The following TANGO6 variants were observed in gnomAD, a reference collection of about 807,000 sequenced individuals.
TANGO6 encodes the protein transport and Golgi organization protein 6 homolog.
A neutral mutation model predicts 114.2 loss-of-function variants in TANGO6; 90 were observed. The observed-to-expected ratio is 0.79, with a 90% CI of 0.66 to 0.94. The LOEUF (loss-of-function observed/expected upper bound fraction) is 0.94, where lower values mean the gene tolerates loss of function less well. TANGO6 is among the 40% of genes least tolerant of loss of function. The pLI is 0.00. For synonymous variants in TANGO6, 477 were observed against 509.8 expected, an observed-to-expected ratio of 0.94 and a Z score of 0.87; for missense variants, 1,274 against 1,315.3, an observed-to-expected ratio of 0.97 and a Z score of 0.49.
chr16:68,922,955 T>TTC (rs1288643512), intron 12 of TANGO6, among the ~76,000 whole-genome samples: 11 of 143,198 alleles, frequency 7.7e-5, no homozygotes, highest in Non-Finnish European at 1.5e-4. Flanking sequence ...TTTTTTTTTT[T>TTC]TTTTTTTTTT....
chr16:69,046,935 G>C (rs1021615904), intron 17 of TANGO6, among the ~76,000 whole-genome samples: 8 of 152,028 alleles, frequency 5.3e-5, no homozygotes, highest in African/African-American at 1.9e-4. Flanking sequence ...CCAGCACTTT[G>C]TTTGGGAGGC....
At chr16:69,025,229 G>A (rs370997654) in intron 16 of TANGO6, among the ~76,000 whole-genome samples, 6 of 152,202 alleles carry the variant, frequency 3.9e-5, no homozygotes, top group Admixed American at 6.5e-5. Context: ...CTCTTATACC[G>A]CACCCAAGAT....
At chr16:68,987,219 A>G (rs1963903604) in intron 15 of TANGO6, among the ~76,000 whole-genome samples, 1 of 152,190 alleles carries the variant, frequency 6.6e-6, no homozygotes, top group African/African-American at 2.4e-5. Flanking sequence ...GCTAATAAAA[A>G]TATATTTTTA....
chr16:68,861,310 C>T (rs1035551329), intron 2 of TANGO6, among the ~76,000 whole-genome samples: 5 of 152,212 alleles, frequency 3.3e-5, no homozygotes, highest in Non-Finnish European at 7.3e-5. Context: ...TCCGCAGCCT[C>T]CACAGCCAGG....
intron 15 of TANGO6, among the ~76,000 whole-genome samples, chr16:68,986,061 A>C (rs957669990): frequency 6.6e-6 from 1 of 152,066 alleles, no homozygotes; most frequent in African/African-American, 2.4e-5. Flanking sequence ...TGGAAGAGCA[A>C]CTCAGAGCTG....
At chr16:69,054,480 A>G (rs1960001936) in intron 17 of TANGO6, among the ~76,000 whole-genome samples, 1 of 152,212 alleles carries the variant, frequency 6.6e-6, no homozygotes, top group Admixed American at 6.5e-5. Context: ...TGGGACTCTT[A>G]GGCTTAATGA....
chr16:68,974,124 G>A lies in TANGO6; in HGVS notation c.2798G>A (p.Arg933Lys). ...AAAGACAAGCACACACCAGAGACCA[G>A]AATGAAAGTCGGGGAAGTCCTTATG... ...SSKDKHTPET[R>K]MKVGEVLMRI... The change falls in exon 15 of 18, where the codon AGA (arginine) becomes AAA (lysine). Residue 933 changes from arginine (R) to lysine (K), a missense_variant. Arg to Lys is a conservative substitution (Grantham distance 26, BLOSUM62 2). Transcript: ENST00000261778. 1 of 1,613,974 alleles carries A rather than the reference G, an allele frequency of 6.2e-7. No homozygotes were observed. Among genetic ancestry groups the A allele is most frequent in the Non-Finnish European group, 8.5e-7 (1 of 1,179,884 alleles).
At chr16:68,938,233 C>A (rs1324469944) in intron 14 of TANGO6, among the ~76,000 whole-genome samples, 1 of 152,104 alleles carries the variant, frequency 6.6e-6, no homozygotes, top group Admixed American at 6.5e-5. Context: ...TAATGGTCTT[C>A]CATATGTCTG....
At chr16:68,853,077 GT>G (rs991775436) in intron 1 of TANGO6, among the ~76,000 whole-genome samples, 1 of 151,974 alleles carries the variant, frequency 6.6e-6, no homozygotes, top group Non-Finnish European at 1.5e-5. Context: ...ATTTATTTGG[GT>G]TTTTTGTAGT....
intron 12 of TANGO6, among the ~76,000 whole-genome samples, chr16:68,921,573 T>G (rs889331024): frequency 6.6e-6 from 1 of 151,702 alleles, no homozygotes; most frequent in African/African-American, 2.4e-5. Flanking sequence ...TGAATATTGA[T>G]TTGAATAGTC....
intron 9 of TANGO6, among the ~76,000 whole-genome samples, chr16:68,905,993 A>G (rs980112627): frequency 1.3e-5 from 2 of 152,164 alleles, no homozygotes; most frequent in Non-Finnish European, 2.9e-5. Context: ...AGCCTGGCCA[A>G]CATAGTGAAA....
At chr16:68,913,404 ATT>A (rs769117351) in intron 11 of TANGO6, among the ~76,000 whole-genome samples, 437 of 122,472 alleles carry the variant, frequency 3.6e-3, no homozygotes, top group Middle Eastern at 8.8e-3. Flanking sequence ...AAAATTATTA[ATT>A]TTTTTTTTTT....
At chr16:68,899,505 C>T (rs1309885881) in intron 7 of TANGO6, among the ~76,000 whole-genome samples, 10 of 142,776 alleles carry the variant, frequency 7.0e-5, no homozygotes, top group Non-Finnish European at 1.5e-4. Context: ...TCCTCACACA[C>T]TTTTTTTTTT....
At chr16:68,976,638 A>C (rs372289697) in intron 15 of TANGO6, among the ~76,000 whole-genome samples, 1 of 152,226 alleles carries the variant, frequency 6.6e-6, no homozygotes, top group Non-Finnish European at 1.5e-5. Context: ...GTCACACTGA[A>C]TATCACTAGA....
rs192254716 is a variant in TANGO6 at position 69,065,191 on chromosome 16, C to G, written c.3109-18294C>G. On this transcript the variant is annotated intron_variant, in intron 17 of 17. Coordinates refer to ENST00000261778, the MANE Select transcript of TANGO6 (RefSeq NM_024562.2). ...TCTGAAACATTTTGCCACCGCTGCT[C>G]CTGCCACCACAGCTGCCACTCCTGT... 2.3e-3 allele frequency among the ~76,000 whole-genome samples: 357 copies of G among 152,348 alleles called. 2 individuals carry two copies. Among genetic ancestry groups the G allele is most frequent in the African/African-American group, 8.3e-3 (346 of 41,582 alleles).
In TANGO6 at chr16:68,843,812, G is replaced by C; in HGVS notation, c.94+101G>C. ...TCCGCAGCGTGCGCCCCTTAGGCCCGCCTCGGGACCCTCCGCCCGCTGCTG... is the reference window on the plus strand; with the variant it reads ...TCCGCAGCGTGCGCCCCTTAGGCCCCCCTCGGGACCCTCCGCCCGCTGCTG... On this transcript the variant is annotated intron_variant, in intron 1 of 17. Coordinates refer to ENST00000261778, the MANE Select transcript of TANGO6 (RefSeq NM_024562.2). 2.6e-6 allele frequency: 3 copies of C among 1,135,268 alleles called. No homozygotes were observed. The South Asian group carries it at 4.1e-5, about 15-fold the overall frequency. The allele number at this position is 1,135,268 out of a possible 1,614,324, so 70.3% of individuals were successfully genotyped here.
chr16:69,083,373 A>G lies in TANGO6; in HGVS notation c.3109-112A>G, dbSNP rs78471654. On this transcript the variant is annotated intron_variant, in intron 17 of 17. Coordinates refer to ENST00000261778, the MANE Select transcript of TANGO6 (RefSeq NM_024562.2). ...TGCACCCAGCCACATTATCTTCAGGAAGTCTGTGGATGTCCTCACAGATCT... is the reference window on the plus strand; with the variant it reads ...TGCACCCAGCCACATTATCTTCAGGGAGTCTGTGGATGTCCTCACAGATCT... The G allele has an allele frequency of 5.4e-3, 7,079 of 1,306,874 alleles. 269 individuals carry two copies. The South Asian group carries it at 0.077, about 14-fold the overall frequency. 81.0% of individuals were successfully genotyped at this position (1,306,874 alleles called of 1,614,324 possible). A position where few individuals can be genotyped will look rare whatever the true frequency, so the allele number is the denominator to read the frequency against.
chr16:68,886,642 G>A (rs1758492678), intron 7 of TANGO6, among the ~76,000 whole-genome samples: 1 of 152,080 alleles, frequency 6.6e-6, no homozygotes, highest in African/African-American at 2.4e-5. Context: ...CCCGGTAGCT[G>A]GGATTACAGG....
chr16:68,876,793 C>G (rs1962368639), intron 5 of TANGO6, among the ~76,000 whole-genome samples: 1 of 152,068 alleles, frequency 6.6e-6, no homozygotes, highest in Non-Finnish European at 1.5e-5. Flanking sequence ...TGCACTCCAG[C>G]CCGGGTGACA....
Sources: gnomAD v4.1 joint callset for allele counts (sites outside exome capture counted in the v4.1 genomes callset) on GRCh38, gnomAD v4.1.1 for gene constraint, MANE v1.5 for transcripts, NCBI Gene and HGNC (gene_info 2026-07-23, HGNC 2026-07-21) for gene names.